Variants in POLRMT observed in about 807,000 individuals in gnomAD.
The protein encoded by POLRMT is RNA polymerase mitochondrial.
In POLRMT, 114 loss-of-function variants were observed where a neutral mutation model predicts 132.2. The observed-to-expected ratio is 0.86, with a 90% confidence interval of 0.74 to 1.01. POLRMT has a LOEUF of 1.01. POLRMT is among the 50% of genes least tolerant of loss of function. The pLI, the probability that POLRMT is intolerant of heterozygous loss-of-function variation, is 0.00. For missense variants in POLRMT, 2,003 were observed against 1,729.1 expected (o/e 1.16, Z -2.81); for synonymous variants, 1,020 against 773.4 (o/e 1.32, Z -5.29).
chr19:632,010 T>G (rs1985452564), intron 2 of POLRMT, among the ~76,000 whole-genome samples: 1 of 151,778 alleles, frequency 6.6e-6, no homozygotes, highest in Non-Finnish European at 1.5e-5. Context: ...CATGACCTCT[T>G]GATCCGCCCG....
chr19:617,886 CTCACAGGG>C (rs1984128347), intron 17 of POLRMT, 37 bp from the exon 18 acceptor site: 1 of 1,591,006 alleles, frequency 6.3e-7, no homozygotes, highest in African/African-American at 1.3e-5. Context: ...GGGAGGGGAG[CTCACAGGG>C]CCACCCAGTG....
At chr19:626,579 G>T (rs1298074494) in intron 3 of POLRMT, among the ~76,000 whole-genome samples, 2 of 134,760 alleles carry the variant, frequency 1.5e-5, no homozygotes, top group Non-Finnish European at 3.1e-5. Flanking sequence ...AAGGTCAGGA[G>T]TTTAAGACCA....
Position 624,746 on chromosome 19 carries a change from G to A in POLRMT, c.1113C>T (p.Ser371=). Residue 371 remains serine (S), a synonymous_variant, in exon 5 of 21, where the codon TCC becomes TCT. Transcript: ENST00000588649. ...PPQLPPPVNT[S]KLLRDVYAKD... Reference sequence around the variant, plus strand: ...TGGCATACACGTCCCTGAGCAGCTTGGAGGTGTTGACCGGGGGCGGCAGCT... The same window carrying A: ...TGGCATACACGTCCCTGAGCAGCTTAGAGGTGTTGACCGGGGGCGGCAGCT... The A allele has an allele frequency of 6.2e-7, 1 of 1,613,862 alleles. No homozygotes were observed. Among genetic ancestry groups the A allele is most frequent in the Non-Finnish European group, 8.5e-7 (1 of 1,179,990 alleles).
chr19:618,031 G>T, intron 17 of POLRMT, 182 bp from the exon 18 acceptor site: 1 of 607,158 alleles, frequency 1.6e-6, no homozygotes, highest in Non-Finnish European at 2.9e-6. Context: ...ATCAGTACAG[G>T]GGGAGGAAAT....
Position 633,377 on chromosome 19 carries a change from G to A in POLRMT, c.88+48C>T. 4 of 1,452,786 alleles carry A rather than the reference G, an allele frequency of 2.8e-6. 1 individual carries two copies. In the South Asian group the frequency reaches 5.8e-5, roughly 21 times the overall value. The allele number at this position is 1,452,786 out of a possible 1,614,324, so 90.0% of individuals were successfully genotyped here. On this transcript the variant is annotated intron_variant, in intron 1 of 20. Transcript: ENST00000588649. ...AAAGGCCCCGGCCGCGCGGGGAGGA[G>A]CCCACGCCGTGGCCCCCGGGCTGCC...
In POLRMT at chr19:618,538, G is replaced by A. The variant is rs144932030; in HGVS notation, c.3372C>T (p.Ile1124=). 4 of 1,613,422 alleles carry A rather than the reference G, an allele frequency of 2.5e-6. No homozygotes were observed. The highest frequency in any genetic ancestry group is 1.7e-5 in the Admixed American group (1 of 59,966). ...TCATGTGGGAGGAGTCCAGCGAGTG[G>A]ATGAAGTTGGGCGGGAAGCCGTTCT... is the stretch of plus-strand genomic sequence containing the variant. ...KQKNGFPPNF[I]HSLDSSHMML... is the part of the protein sequence containing the mutation. The change falls in exon 17 of 21, where the codon ATC becomes ATT. Residue 1124 remains isoleucine, a synonymous_variant. Transcript: ENST00000588649.
rs113661918 is a variant in POLRMT at position 617,552 on chromosome 19, G to A, written c.3581+18C>T. ...GTGGGGGGGGAATCCAGGTAGTTGG[G>A]GTCAGGGAGCGCCTTACTCAGAGCA... On this transcript the variant is annotated intron_variant, in intron 19 of 20. Transcript: ENST00000588649. 9.3e-6 allele frequency: 15 copies of A among 1,610,918 alleles called. No individual in the cohort carries two copies. The Admixed American group carries it at 1.2e-4, about 13-fold the overall frequency.
Position 619,683 on chromosome 19 carries a change from A to T in POLRMT, c.2969T>A (p.Val990Glu). Reference sequence around the variant, plus strand: ...CACCACCGTCATCACCGTCTGCTTCACCACCTTGCGGGTGATGAAACCTTC... The same window carrying T: ...CACCACCGTCATCACCGTCTGCTTCTCCACCTTGCGGGTGATGAAACCTTC... Reference protein sequence around the residue: ...VLEGFITRKVVKQTVMTVVYG... With the variant: ...VLEGFITRKVEKQTVMTVVYG... Residue 990 changes from valine (V) to glutamate (E), a missense_variant, in exon 13 of 21, where the codon GTG becomes GAG. Val to Glu is a moderately radical substitution (Grantham distance 121, BLOSUM62 -2). Transcript: ENST00000588649. 1 of 1,610,134 alleles carries T rather than the reference A, an allele frequency of 6.2e-7. No individual in the cohort carries two copies. Among genetic ancestry groups the T allele is most frequent in the Non-Finnish European group, 8.5e-7 (1 of 1,179,252 alleles).
intron 12 of POLRMT, 77 bp from the exon 13 acceptor site, chr19:619,842 CGCCCCA>C (rs1410906373): frequency 1.3e-6 from 2 of 1,553,210 alleles, no homozygotes; most frequent in Non-Finnish European, 1.7e-6. Flanking sequence ...ATGAAGCCCC[CGCCCCA>C]GCCCCACCAC....
At chr19:622,026 C>T (rs1432080697) in intron 9 of POLRMT, 123 bp downstream of exon 9, 7 of 1,170,994 alleles carry the variant, frequency 6.0e-6, no homozygotes, top group African/African-American at 3.1e-5. Flanking sequence ...TGGTGTGTCC[C>T]GAGTCCTGGG....
Position 620,083 on chromosome 19 carries a change from G to A in POLRMT, c.2764-3C>T, listed in dbSNP as rs2144593123. ...TGCAGGCCGTTGCAAGAGCCGTCCTGAGGAAGGGGCGGCAAACGGGAGATG... is the reference window on the plus strand; with the variant it reads ...TGCAGGCCGTTGCAAGAGCCGTCCTAAGGAAGGGGCGGCAAACGGGAGATG... On this transcript the variant is annotated splice_polypyrimidine_tract_variant and splice_region_variant and intron_variant, in intron 11 of 20. Transcript: ENST00000588649. The A allele has an allele frequency of 6.5e-7, 1 of 1,539,752 alleles. No individual in the cohort carries two copies. The highest frequency in any genetic ancestry group is 2.4e-5 in the East Asian group (1 of 41,218).
At position 620,251 on chromosome 19, in the gene POLRMT, C is replaced by T. The variant is rs938261311; in HGVS notation, c.2763+114G>A. On this transcript the variant is annotated intron_variant, in intron 11 of 20. Coordinates refer to ENST00000588649, the MANE Select transcript of POLRMT (RefSeq NM_005035.4). ...CCAGGAGCCATGGCTCCCGCACACT[C>T]TAGGACCACCTCCAGAGAATACCAC... 13 of 1,459,214 alleles carry T rather than the reference C, an allele frequency of 8.9e-6. No individual in the cohort carries two copies. In the Admixed American group the frequency reaches 1.4e-4, roughly 16 times the overall value. 90.4% of individuals were successfully genotyped at this position (1,459,214 alleles called of 1,614,324 possible). A position where few individuals can be genotyped will look rare whatever the true frequency, so the allele number is the denominator to read the frequency against.
At position 618,624 on chromosome 19, in the gene POLRMT, GAC is replaced by G. The variant is rs111923638; in HGVS notation, c.3324-40_3324-39del. 5.0e-6 allele frequency: 8 copies of G among 1,599,526 alleles called. No homozygotes were observed. The African/African-American group carries it at 5.3e-5, about 11-fold the overall frequency. ...CAGGTGCCGGTGGGGGCGGCCCAGG[GAC>G]ACCCCTAACTGGCCGCTGTCTCCAC... On this transcript the variant is annotated intron_variant, in intron 16 of 20. Coordinates refer to ENST00000588649, the MANE Select transcript of POLRMT (RefSeq NM_005035.4).
At chr19:618,439 A>AGAC (rs1412659715) in intron 17 of POLRMT, 49 bp downstream of exon 17, 3 of 1,421,550 alleles carry the variant, frequency 2.1e-6, no homozygotes, top group Admixed American at 3.8e-5. Flanking sequence ...GCTAGCCAGA[A>AGAC]GACGCCCCTG....
chr19:618,387 G>T, intron 17 of POLRMT, 101 bp downstream of exon 17: 2 of 915,584 alleles, frequency 2.2e-6, no homozygotes, highest in African/African-American at 1.7e-5. Context: ...ACTCTGCCCA[G>T]TCCCTGCCCC....
In POLRMT at chr19:633,486, T is replaced by C. The variant is rs764167470; in HGVS notation, c.27A>G (p.Gly9=). 122 of 1,555,752 alleles carry C rather than the reference T, an allele frequency of 7.8e-5. No homozygotes were observed. Among genetic ancestry groups the C allele is most frequent in the Non-Finnish European group, 1.0e-4 (116 of 1,153,384 alleles). Residue 9 remains glycine (G), a synonymous_variant, in exon 1 of 21, where the codon GGA becomes GGG. Transcript: ENST00000588649. MSALCWGR[G]AAGLKRALRP... ...GTAGGGCTCGTTTGAGCCCCGCCGC[T>C]CCGCGGCCCCAGCAAAGTGCCGACA...
intron 18 of POLRMT, 34 bp from the exon 19 acceptor site, chr19:617,689 C>G: frequency 1.2e-6 from 2 of 1,612,132 alleles, no homozygotes; most frequent in Non-Finnish European, 1.7e-6. Flanking sequence ...CAGGGGTGAT[C>G]AGGCAGGCTC....
At position 620,211 on chromosome 19, in the gene POLRMT, C is replaced by T. The variant is rs886946810; in HGVS notation, c.2764-131G>A. On this transcript the variant is annotated intron_variant, in intron 11 of 20. Coordinates refer to ENST00000588649, the MANE Select transcript of POLRMT (RefSeq NM_005035.4). ...AGCCAAGTGCACCGGAGCCCCCGCA[C>T]GCTCCCGGGAGAGACCAGGAGCCAT... 1.4e-5 allele frequency: 20 copies of T among 1,464,346 alleles called. 1 individual carries two copies. The Admixed American group carries it at 3.4e-4, about 25-fold the overall frequency. The allele number at this position is 1,464,346 out of a possible 1,614,324, so 90.7% of individuals were successfully genotyped here. A position where few individuals can be genotyped will look rare whatever the true frequency, so the allele number is the denominator to read the frequency against.
At chr19:633,085 G>C (rs933515007) in intron 1 of POLRMT, 147 bp from the exon 2 acceptor site, 1 of 666,888 alleles carries the variant, frequency 1.5e-6, no homozygotes, top group African/African-American at 1.9e-5. Flanking sequence ...AAGAAACTAA[G>C]ACAGCGAAGG....
Sources: gnomAD v4.1 joint callset for allele counts (sites outside exome capture counted in the v4.1 genomes callset) on GRCh38, gnomAD v4.1.1 for gene constraint, MANE v1.5 for transcripts, NCBI Gene and HGNC (gene_info 2026-07-23, HGNC 2026-07-21) for gene names.